CUBN: variants seen among roughly 807,000 people sequenced by gnomAD.
CUBN encodes cubilin.
Under a neutral mutation model 405.3 loss-of-function variants are expected in CUBN, and 282 were observed. The observed-to-expected ratio is 0.70, with a 90% CI of 0.63 to 0.77. The LOEUF (loss-of-function observed/expected upper bound fraction) is 0.77, where lower values mean the gene tolerates loss of function less well. Among genes scored for constraint, CUBN ranks in the 30% least tolerant of loss-of-function variants. CUBN has a pLI of 0.00. For synonymous variants in CUBN, 1,684 were observed against 1,617.0 expected (o/e 1.04, Z -0.99); for missense variants, 4,514 against 4,475.2 (o/e 1.01, Z -0.25).
chr10:17,105,368 G>A (rs534058451), intron 11 of CUBN, 89 bp downstream of exon 11: 27 of 829,824 alleles, frequency 3.3e-5, no homozygotes, highest in Non-Finnish European at 4.7e-5. Context: ...TCATTATCTT[G>A]ACATTCCTGA....
chr10:16,920,776 C>T (rs933408945), intron 43 of CUBN, among the ~76,000 whole-genome samples: 7 of 152,136 alleles, frequency 4.6e-5, no homozygotes, highest in Non-Finnish European at 1.0e-4. Flanking sequence ...TTTCAACAAA[C>T]AAACCAGATA....
chr10:17,066,454 G>A (rs1241119651), intron 21 of CUBN, among the ~76,000 whole-genome samples: 1 of 151,950 alleles, frequency 6.6e-6, no homozygotes. Flanking sequence ...GAGAGGAAAT[G>A]TTGAGTACGG....
At chr10:16,936,481 C>T (rs2131600405) in intron 39 of CUBN, among the ~76,000 whole-genome samples, 1 of 152,114 alleles carries the variant, frequency 6.6e-6, no homozygotes, top group East Asian at 1.9e-4. Flanking sequence ...AATATAAGTA[C>T]AAATTATCTT....
chr10:17,047,451 C>A lies in CUBN; in HGVS notation c.3292G>T (p.Ala1098Ser), dbSNP rs146593010. Residue 1098 changes from alanine (A) to serine (S), a missense_variant, in exon 23 of 67, where the codon GCC (alanine) becomes TCC (serine). Around this residue, in one of 5 missense-constraint regions of CUBN, gnomAD observed 1,448 missense variants for 1,388.0 expected, o/e 1.04. Coordinates refer to ENST00000377833, the MANE Select transcript of CUBN (RefSeq NM_001081.4). ...AAATCTGTATAATAGTTTCCAATGGCTTCCTCCAAGGAGAAGTTTGTGAAG... is the reference window on the plus strand; with the variant it reads ...AAATCTGTATAATAGTTTCCAATGGATTCCTCCAAGGAGAAGTTTGTGAAG... ...VHFTNFSLEE[A>S]IGNYYTDFLE... 6.7e-4 allele frequency: 1,086 copies of A among 1,613,960 alleles called. 5 individuals carry two copies. The African/African-American group carries it at 0.013, about 19-fold the overall frequency.
intron 36 of CUBN, among the ~76,000 whole-genome samples, chr10:16,946,745 C>T (rs1012663360): frequency 7.9e-5 from 12 of 152,106 alleles, no homozygotes; most frequent in Admixed American, 5.9e-4. Flanking sequence ...ATCCACCCGC[C>T]TTGGCCTCCC....
chr10:17,073,335 TATG>T (rs1216505498), intron 17 of CUBN, among the ~76,000 whole-genome samples: 7 of 152,060 alleles, frequency 4.6e-5, no homozygotes, highest in Non-Finnish European at 7.4e-5. Flanking sequence ...AGATAAGCCA[TATG>T]ATAACTCCAT....
At chr10:17,107,169 C>T (rs922039098) in intron 10 of CUBN, among the ~76,000 whole-genome samples, 8 of 152,202 alleles carry the variant, frequency 5.3e-5, no homozygotes, top group Non-Finnish European at 1.0e-4. Flanking sequence ...CATCCAGCAT[C>T]TTGACAGTTT....
At chr10:17,019,786 G>T in intron 28 of CUBN, 47 bp downstream of exon 28, 1 of 1,612,658 alleles carries the variant, frequency 6.2e-7, no homozygotes, top group Non-Finnish European at 8.5e-7. Flanking sequence ...AAAAATTCTT[G>T]GCCAAATAGC....
intron 22 of CUBN, among the ~76,000 whole-genome samples, chr10:17,052,051 G>GC (rs374902006): frequency 6.6e-6 from 1 of 152,066 alleles, no homozygotes; most frequent in South Asian, 2.1e-4. Flanking sequence ...AGTTGGGGCG[G>GC]GGGGGAAGCC....
intron 28 of CUBN, among the ~76,000 whole-genome samples, chr10:17,016,930 G>T (rs934617886): frequency 2.0e-5 from 3 of 152,128 alleles, no homozygotes; most frequent in African/African-American, 4.8e-5. Context: ...TACAGAAAAG[G>T]CCAAGCTGCA....
chr10:16,964,977 C>T (rs180706433), intron 31 of CUBN, among the ~76,000 whole-genome samples: 39 of 152,348 alleles, frequency 2.6e-4, no homozygotes, highest in Admixed American at 2.4e-3. Flanking sequence ...CTTCCTGTCC[C>T]TCTCATTTCT....
At chr10:17,116,289 C>A (rs1173697417) in intron 6 of CUBN, among the ~76,000 whole-genome samples, 1 of 152,170 alleles carries the variant, frequency 6.6e-6, no homozygotes, top group African/African-American at 2.4e-5. Flanking sequence ...TTGTTTTAAG[C>A]CCTTGTCATT....
At position 16,857,697 on chromosome 10, in the gene CUBN, CAAAAACCTA is replaced by C. The variant is rs1564389077; in HGVS notation, c.9455-6263_9455-6255del. 2.0e-5 allele frequency among the ~76,000 whole-genome samples: 3 copies of C among 152,282 alleles called. No homozygotes were observed. In the East Asian group the frequency reaches 5.8e-4, roughly 29 times the overall value. ...TTCTTGACTTGATAAAAACCATCTG[CAAAAACCTA>C]CAGCTAACAGCATAATTAATGGTGA... On this transcript the variant is annotated intron_variant, in intron 59 of 66. Coordinates refer to ENST00000377833, the MANE Select transcript of CUBN (RefSeq NM_001081.4).
intron 65 of CUBN, among the ~76,000 whole-genome samples, 157 bp downstream of exon 65, chr10:16,831,095 A>G (rs924461011): frequency 1.3e-5 from 2 of 152,212 alleles, no homozygotes; most frequent in South Asian, 2.1e-4. Flanking sequence ...TCAAAAAAAA[A>G]AAAGTAATCT....
intron 59 of CUBN, among the ~76,000 whole-genome samples, chr10:16,865,516 C>T (rs1840155943): frequency 1.3e-5 from 2 of 152,006 alleles, no homozygotes; most frequent in Non-Finnish European, 2.9e-5. Flanking sequence ...GAGGTGAAGC[C>T]AGTTGGACTT....
At chr10:17,003,460 A>T (rs575788086) in intron 28 of CUBN, among the ~76,000 whole-genome samples, 6 of 152,214 alleles carry the variant, frequency 3.9e-5, no homozygotes, top group African/African-American at 1.2e-4. Context: ...ATTGTTGTGA[A>T]TTTTTTCACC....
rs147563157 is a variant in CUBN, at chr10:16,836,338, C to T, written c.10077G>A (p.Ser3359=). The T allele has an allele frequency of 3.9e-5, 63 of 1,613,864 alleles. No individual in the cohort carries two copies. In the East Asian group the frequency reaches 6.0e-4, roughly 15 times the overall value. ...SRFQFCGRNA[S]AVPVFYSSMS... ...TAGAAGAATAAAACACTGGCACAGC[C>T]GAAGCATTTCTGCCACAGAACTGAA... The change falls in exon 63 of 67, where the codon TCG becomes TCA. Residue 3359 remains serine (S), a synonymous_variant. Coordinates refer to ENST00000377833, the MANE Select transcript of CUBN (RefSeq NM_001081.4).
At position 17,055,818 on chromosome 10, in the gene CUBN, G is replaced by T. The variant is rs75033171; in HGVS notation, c.3140-8215C>A. On this transcript the variant is annotated intron_variant, in intron 22 of 66. Transcript: ENST00000377833. Reference sequence around the variant, plus strand: ...GTAAAATATGTTCATGGATTGGAAGGCTGAATTTAAGATGACCTTTATCCC... The same window carrying T: ...GTAAAATATGTTCATGGATTGGAAGTCTGAATTTAAGATGACCTTTATCCC... Among the ~76,000 whole-genome samples the T allele has an allele frequency of 2.6e-5, 4 of 152,126 alleles. No homozygotes were observed. The South Asian group carries it at 8.3e-4, about 32-fold the overall frequency.
At position 17,088,211 on chromosome 10, in the gene CUBN, T is replaced by C. The variant is rs1836169838; in HGVS notation, c.1900A>G (p.Thr634Ala). 6.2e-7 allele frequency: 1 copy of C among 1,613,822 alleles called. No homozygotes were observed. The highest frequency in any genetic ancestry group is 8.5e-7 in the Non-Finnish European group (1 of 1,179,794). The stretch of plus-strand genomic sequence containing the variant: ...TCATCATGGTGCTCGAGGCTCAAGG[T>C]CCCAAAAGTAAATGTTACCAGGAGG... Reference protein sequence around the residue: ...PDLLVTFTFGTLSLEHHDDCN... With the variant: ...PDLLVTFTFGALSLEHHDDCN... Residue 634 changes from threonine (T) to alanine (A), a missense_variant, in exon 15 of 67, where the codon ACC (threonine) becomes GCC (alanine). This residue lies in a region of CUBN where 1,448 missense variants were observed against 1,388.0 expected (regional missense o/e 1.04). Coordinates refer to ENST00000377833, the MANE Select transcript of CUBN (RefSeq NM_001081.4).
Sources: allele counts gnomAD v4.1 joint callset (sites outside exome capture counted in the v4.1 genomes callset), GRCh38; gene constraint gnomAD v4.1.1; regional missense constraint gnomAD v4.1.1; transcripts MANE v1.5; gene names NCBI Gene and HGNC (gene_info 2026-07-23, HGNC 2026-07-21).